OSBPL6: variants seen among roughly 807,000 people sequenced by gnomAD.
OSBPL6 encodes the protein oxysterol binding protein like 6.
In OSBPL6, 49 loss-of-function variants were observed where a neutral mutation model predicts 125.8. The ratio of observed to expected loss-of-function variants is 0.39; its 90% CI spans 0.31 to 0.49. The LOEUF is 0.49. Ranked by LOEUF, OSBPL6 falls within the 20% of genes least tolerant of loss-of-function variation. The pLI, the probability that OSBPL6 is intolerant of heterozygous loss-of-function variation, is 0.88. For missense variants in OSBPL6, 986 were observed against 1,135.4 expected, an observed-to-expected ratio of 0.87 and a Z score of 1.89; for synonymous variants, 394 against 391.8, an observed-to-expected ratio of 1.01 and a Z score of -0.07.
intron 2 of OSBPL6, among the ~76,000 whole-genome samples, chr2:178,291,100 A>G (rs1005374639): frequency 7.2e-6 from 1 of 138,640 alleles, no homozygotes; most frequent in African/African-American, 2.5e-5. Context: ...AGAGTTAACT[A>G]TGAGGTGTTT....
At chr2:178,376,449 C>G (rs1693883075) in intron 15 of OSBPL6, among the ~76,000 whole-genome samples, 1 of 152,118 alleles carries the variant, frequency 6.6e-6, no homozygotes, top group African/African-American at 2.4e-5. Flanking sequence ...CATCTTCCTG[C>G]AGCTTCAGTG....
At chr2:178,322,517 C>G (rs1688331559) in intron 3 of OSBPL6, among the ~76,000 whole-genome samples, 1 of 151,968 alleles carries the variant, frequency 6.6e-6, no homozygotes, top group Admixed American at 6.6e-5. Context: ...TTCTCTGTGG[C>G]CCTGTCATCT....
rs182627377 is a variant in OSBPL6, at chr2:178,385,962, A to G, written c.2077+441A>G. Reference sequence around the variant, plus strand: ...AACATTACAGTAATTCCTGGCCTTTAACTCACTGGGGCTCCAGAGTTTGGA... The same window carrying G: ...AACATTACAGTAATTCCTGGCCTTTGACTCACTGGGGCTCCAGAGTTTGGA... On this transcript the variant is annotated intron_variant, in intron 19 of 24. Transcript: ENST00000190611. Among the ~76,000 whole-genome samples, 176 of 152,342 alleles carry G rather than the reference A, an allele frequency of 1.2e-3. No individual in the cohort carries two copies. In the East Asian group the frequency reaches 0.024, roughly 21 times the overall value.
intron 21 of OSBPL6, 112 bp downstream of exon 21, chr2:178,389,265 C>T (rs1695203687): frequency 1.1e-5 from 11 of 1,034,098 alleles, no homozygotes; most frequent in Non-Finnish European, 1.5e-5. Flanking sequence ...TATCATTGGT[C>T]CTTACGGACA....
chr2:178,319,498 G>A (rs534151740), intron 3 of OSBPL6, among the ~76,000 whole-genome samples: 8 of 152,252 alleles, frequency 5.3e-5, no homozygotes, highest in South Asian at 2.1e-4. Flanking sequence ...AGCTTGACTC[G>A]AGTAAAATCT....
At chr2:178,304,794 C>T (rs760448677) in intron 2 of OSBPL6, among the ~76,000 whole-genome samples, 4 of 152,160 alleles carry the variant, frequency 2.6e-5, no homozygotes, top group Non-Finnish European at 4.4e-5. Flanking sequence ...ACCACCATAT[C>T]GCCATATCTC....
intron 3 of OSBPL6, among the ~76,000 whole-genome samples, chr2:178,306,971 A>G (rs1686818832): frequency 6.6e-6 from 1 of 152,194 alleles, no homozygotes; most frequent in South Asian, 2.1e-4. Flanking sequence ...TTGTTATTTC[A>G]GCCAGCACAG....
At chr2:178,277,824 T>C (rs537910056) in intron 1 of OSBPL6, among the ~76,000 whole-genome samples, 1 of 152,336 alleles carries the variant, frequency 6.6e-6, no homozygotes, top group East Asian at 1.9e-4. Flanking sequence ...ATCTGATCTC[T>C]GAGGTTCTCT....
intron 3 of OSBPL6, among the ~76,000 whole-genome samples, chr2:178,318,873 T>C (rs990122765): frequency 6.6e-6 from 1 of 152,220 alleles, no homozygotes; most frequent in Admixed American, 6.5e-5. Context: ...TTCCTAGATA[T>C]TTATTCCTGT....
intron 1 of OSBPL6, among the ~76,000 whole-genome samples, chr2:178,228,283 C>T (rs942373750): frequency 5.3e-5 from 8 of 152,332 alleles, no homozygotes; most frequent in African/African-American, 1.2e-4. Context: ...TGCCTGTAAT[C>T]CCAGCACTTT....
chr2:178,391,839 A>ATT (rs1245545629), intron 22 of OSBPL6, among the ~76,000 whole-genome samples: 25 of 152,210 alleles, frequency 1.6e-4, no homozygotes, highest in Non-Finnish European at 1.0e-4. Context: ...TTCCTAAGAG[A>ATT]CATCAATGAG....
chr2:178,206,684 G>A (rs1296097025), intron 1 of OSBPL6, among the ~76,000 whole-genome samples: 2 of 151,916 alleles, frequency 1.3e-5, no homozygotes, highest in Admixed American at 6.6e-5. Flanking sequence ...GCACGATCTC[G>A]GCTCACTGCA....
chr2:178,390,997 T>C (rs1182507502), intron 21 of OSBPL6, 76 bp from the exon 22 acceptor site: 89 of 1,571,684 alleles, frequency 5.7e-5, no homozygotes, highest in Non-Finnish European at 3.4e-6. Flanking sequence ...GGCTAAGAAA[T>C]TTTTCTATAT....
At chr2:178,212,208 A>G (rs940145846) in intron 1 of OSBPL6, among the ~76,000 whole-genome samples, 1 of 152,190 alleles carries the variant, frequency 6.6e-6, no homozygotes, top group Non-Finnish European at 1.5e-5. Flanking sequence ...ACCCTGTGTC[A>G]TGCTAATGGG....
At chr2:178,391,694 A>G (rs568809633) in intron 22 of OSBPL6, among the ~76,000 whole-genome samples, 1 of 152,386 alleles carries the variant, frequency 6.6e-6, no homozygotes, top group East Asian at 1.9e-4. Flanking sequence ...GACATTTAAT[A>G]AAAGACATCA....
intron 1 of OSBPL6, among the ~76,000 whole-genome samples, chr2:178,264,809 A>G (rs1259701415): frequency 6.6e-6 from 1 of 152,126 alleles, no homozygotes; most frequent in Non-Finnish European, 1.5e-5. Flanking sequence ...ACTAATTGTT[A>G]TCTTATTAAA....
intron 13 of OSBPL6, among the ~76,000 whole-genome samples, chr2:178,369,283 T>C (rs1309267428): frequency 6.6e-6 from 1 of 152,136 alleles, no homozygotes; most frequent in Non-Finnish European, 1.5e-5. Context: ...AATGTAAAAA[T>C]ACCTTGATTA....
intron 18 of OSBPL6, 139 bp from the exon 19 acceptor site, chr2:178,385,319 G>T (rs187983191): frequency 6.7e-4 from 416 of 622,004 alleles, no homozygotes; most frequent in Non-Finnish European, 6.4e-4. Flanking sequence ...CCTCTAAATT[G>T]TATAAGTTCT....
chr2:178,243,663 G>C (rs941837686), intron 1 of OSBPL6, among the ~76,000 whole-genome samples: 3 of 151,848 alleles, frequency 2.0e-5, no homozygotes, highest in Non-Finnish European at 4.4e-5. Context: ...TTGTTTCTTT[G>C]TTTGTTTTGA....
Sources: gnomAD v4.1 joint callset for allele counts (sites outside exome capture counted in the v4.1 genomes callset) on GRCh38, gnomAD v4.1.1 for gene constraint, MANE v1.5 for transcripts, NCBI Gene and HGNC (gene_info 2026-07-23, HGNC 2026-07-21) for gene names.